The following PDGFC variants were observed in gnomAD, a reference collection of about 807,000 sequenced individuals.
PDGFC encodes platelet derived growth factor C.
A neutral mutation model predicts 35.5 loss-of-function variants in PDGFC; 12 were observed. The ratio of observed to expected loss-of-function variants is 0.34; its 90% confidence interval spans 0.22 to 0.55. PDGFC has a LOEUF of 0.55. Among genes scored for constraint, PDGFC ranks in the 20% least tolerant of loss-of-function variants. PDGFC has a pLI of 0.91. For missense variants in PDGFC, 322 were observed against 412.4 expected (o/e 0.78, Z 1.90); for synonymous variants, 159 against 148.8 (o/e 1.07, Z -0.50).
At chr4:156,897,380 G>GTGTGTC (rs1257159119) in intron 1 of PDGFC, among the ~76,000 whole-genome samples, 1 of 150,548 alleles carries the variant, frequency 6.6e-6, no homozygotes, top group Non-Finnish European at 1.5e-5. Flanking sequence ...GTGTGTGTGT[G>GTGTGTC]TGTCAAAAGC....
At chr4:156,945,344 T>TAC (rs547771623) in intron 1 of PDGFC, among the ~76,000 whole-genome samples, 425 of 2,770 alleles carry the variant, frequency 0.15, no homozygotes, top group South Asian at 0.21. Flanking sequence ...TATACATACA[T>TAC]ATATATATAT....
intron 2 of PDGFC, among the ~76,000 whole-genome samples, chr4:156,835,436 T>A (rs1729040359): frequency 6.6e-6 from 1 of 152,184 alleles, no homozygotes. Flanking sequence ...AACTTTTATA[T>A]TTTAAAAGAG....
chr4:156,812,627 A>G (rs1272404374), intron 2 of PDGFC, among the ~76,000 whole-genome samples: 2 of 152,178 alleles, frequency 1.3e-5, no homozygotes, highest in Non-Finnish European at 1.5e-5. Context: ...CTGAAAAAAG[A>G]CAAAGTGTAT....
intron 1 of PDGFC, among the ~76,000 whole-genome samples, chr4:156,923,839 C>T (rs1204817692): frequency 6.6e-6 from 1 of 152,032 alleles, no homozygotes; most frequent in Non-Finnish European, 1.5e-5. Flanking sequence ...CATTCTTGCA[C>T]TTATGCAGCT....
chr4:156,906,916 C>T (rs73856787), intron 1 of PDGFC, among the ~76,000 whole-genome samples: 1 of 152,124 alleles, frequency 6.6e-6, no homozygotes, highest in African/African-American at 2.4e-5. Flanking sequence ...CAGCTCTGCC[C>T]CTTCCATTTC....
chr4:156,943,221 C>T (rs1209727025), intron 1 of PDGFC, among the ~76,000 whole-genome samples: 2 of 152,034 alleles, frequency 1.3e-5, no homozygotes, highest in African/African-American at 4.8e-5. Flanking sequence ...CAAATACAGC[C>T]TTAGGCAGGG....
chr4:156,953,349 T>C (rs1235716386), intron 1 of PDGFC, among the ~76,000 whole-genome samples: 1 of 151,954 alleles, frequency 6.6e-6, no homozygotes, highest in Non-Finnish European at 1.5e-5. Context: ...CTGTCCAAGT[T>C]GTTTTCTAGA....
intron 1 of PDGFC, among the ~76,000 whole-genome samples, chr4:156,953,165 T>C (rs993168278): frequency 2.6e-4 from 39 of 151,914 alleles, no homozygotes; most frequent in African/African-American, 9.2e-4. Flanking sequence ...GAGTTACTCT[T>C]CCAAAATGTC....
intron 3 of PDGFC, among the ~76,000 whole-genome samples, chr4:156,793,825 A>AT (rs1731364739): frequency 8.3e-6 from 1 of 121,044 alleles, no homozygotes; most frequent in African/African-American, 4.1e-5. Flanking sequence ...ACATTTTTGG[A>AT]TTAAAAAAAA....
intron 1 of PDGFC, among the ~76,000 whole-genome samples, chr4:156,927,952 C>T (rs1048437281): frequency 1.3e-5 from 2 of 152,136 alleles, no homozygotes; most frequent in African/African-American, 2.4e-5. Context: ...TACAGTTCCA[C>T]ATGGCTGAGG....
intron 1 of PDGFC, among the ~76,000 whole-genome samples, chr4:156,917,698 A>C (rs914905962): frequency 6.6e-6 from 1 of 152,218 alleles, no homozygotes. Flanking sequence ...CAAAATCTTT[A>C]ACAAATTAAC....
chr4:156,887,175 A>G (rs1730395763), intron 1 of PDGFC, among the ~76,000 whole-genome samples: 1 of 152,204 alleles, frequency 6.6e-6, no homozygotes, highest in Non-Finnish European at 1.5e-5. Context: ...AATCAACATC[A>G]TTCAGGATGT....
chr4:156,874,823 C>A (rs1730073432), intron 1 of PDGFC, among the ~76,000 whole-genome samples: 2 of 151,796 alleles, frequency 1.3e-5, no homozygotes, highest in Admixed American at 1.3e-4. Flanking sequence ...CTCACACCAT[C>A]CTCCCACCTC....
chr4:156,869,867 C>T (rs577819800), intron 1 of PDGFC, among the ~76,000 whole-genome samples: 6 of 152,134 alleles, frequency 3.9e-5, no homozygotes, highest in African/African-American at 9.6e-5. Context: ...CACACACATA[C>T]ACAAATAAAT....
At chr4:156,970,733 C>G in intron 1 of PDGFC, 53 bp downstream of exon 1, 1 of 1,132,578 alleles carries the variant, frequency 8.8e-7, no homozygotes, top group East Asian at 2.3e-5. Flanking sequence ...ACAATGCCAA[C>G]GTTAACACAC....
intron 4 of PDGFC, among the ~76,000 whole-genome samples, chr4:156,769,776 A>G (rs1730641980): frequency 6.6e-6 from 1 of 152,056 alleles, no homozygotes; most frequent in African/African-American, 2.4e-5. Flanking sequence ...TTGCTGATCT[A>G]ATAGTATATG....
intron 1 of PDGFC, among the ~76,000 whole-genome samples, chr4:156,901,804 G>A (rs1239977503): frequency 6.6e-6 from 1 of 151,922 alleles, no homozygotes; most frequent in Admixed American, 6.6e-5. Flanking sequence ...GTAGAGACAG[G>A]GTTTTGTCAT....
intron 3 of PDGFC, chr4:156,774,533 G>C (rs529252525): frequency 6.6e-6 from 1 of 152,292 alleles, no homozygotes; most frequent in South Asian, 2.1e-4. Flanking sequence ...CTCTGGACAG[G>C]CACAACCCTC....
intron 1 of PDGFC, among the ~76,000 whole-genome samples, chr4:156,922,154 T>TTGTG (rs1560874353): frequency 1.2e-5 from 1 of 86,506 alleles, no homozygotes; most frequent in African/African-American, 4.5e-5. Context: ...CAAGGATTCA[T>TTGTG]AGTGTGTGTG....
Sources: gnomAD v4.1 joint callset for allele counts (sites outside exome capture counted in the v4.1 genomes callset) on GRCh38, gnomAD v4.1.1 for gene constraint, MANE v1.5 for transcripts, NCBI Gene and HGNC (gene_info 2026-07-23, HGNC 2026-07-21) for gene names.